The following WARS1 variants were observed in gnomAD, a reference collection of about 807,000 sequenced individuals.
The protein encoded by WARS1 is tryptophan--tRNA ligase, cytoplasmic.
WARS1 carries 17 observed loss-of-function variants against 47.8 expected under a neutral mutation model. The observed-to-expected ratio is 0.36, with a 90% CI of 0.24 to 0.53. The LOEUF (loss-of-function observed/expected upper bound fraction) is 0.53. Ranked by LOEUF, WARS1 falls within the 20% of genes least tolerant of loss-of-function variation. WARS1 has a pLI of 0.91. For synonymous variants in WARS1, 208 were observed against 228.1 expected, an observed-to-expected ratio of 0.91 and a Z score of 0.79; for missense variants, 434 against 608.0, an observed-to-expected ratio of 0.71 and a Z score of 3.01.
intron 6 of WARS1, among the ~76,000 whole-genome samples, chr14:100,350,328 A>G (rs898821076): frequency 2.7e-5 from 4 of 146,104 alleles, no homozygotes; most frequent in Non-Finnish European, 4.5e-5. Context: ...GGAGGCAGAT[A>G]TTGCAGTAAG....
intron 7 of WARS1, among the ~76,000 whole-genome samples, chr14:100,346,297 C>G (rs908333248): frequency 6.6e-6 from 1 of 152,178 alleles, no homozygotes; most frequent in African/African-American, 2.4e-5. Context: ...TCAAGCCCCT[C>G]ATCTTACATG....
At chr14:100,350,399 GAAAAA>G (rs56393656) in intron 6 of WARS1, among the ~76,000 whole-genome samples, 1 of 112,150 alleles carries the variant, frequency 8.9e-6, no homozygotes, top group African/African-American at 3.5e-5. Context: ...CTCAAAAAAA[GAAAAA>G]AAAAAAAAAA....
intron 6 of WARS1, among the ~76,000 whole-genome samples, chr14:100,347,603 G>A (rs1291021411): frequency 1.3e-5 from 2 of 151,956 alleles, no homozygotes; most frequent in Non-Finnish European, 2.9e-5. Context: ...TTGAGACAGA[G>A]TCTCACTCTG....
chr14:100,368,798 C>T (rs568145936), intron 2 of WARS1, among the ~76,000 whole-genome samples: 1 of 151,992 alleles, frequency 6.6e-6, no homozygotes, highest in South Asian at 2.1e-4. Context: ...CCCATCTCTA[C>T]TAAAAATACA....
At chr14:100,349,362 G>A (rs910383547) in intron 6 of WARS1, among the ~76,000 whole-genome samples, 1 of 152,168 alleles carries the variant, frequency 6.6e-6, no homozygotes, top group African/African-American at 2.4e-5. Context: ...CTGAGATAAT[G>A]GTTTTGCTCC....
intron 9 of WARS1, 32 bp from the exon 10 acceptor site, chr14:100,337,234 C>T: frequency 1.2e-6 from 2 of 1,603,774 alleles, no homozygotes; most frequent in Non-Finnish European, 1.7e-6. Flanking sequence ...ACACGCTCCT[C>T]AGTCCTGCTC....
intron 5 of WARS1, 95 bp from the exon 6 acceptor site, chr14:100,353,964 T>C: frequency 8.7e-7 from 1 of 1,150,268 alleles, no homozygotes; most frequent in South Asian, 1.5e-5. Flanking sequence ...TTACAACGTA[T>C]GTTAAAACTT....
At position 100,356,534 on chromosome 14, in the gene WARS1, C is replaced by T. The variant is rs188537152; in HGVS notation, c.423-1968G>A. Among the ~76,000 whole-genome samples the T allele has an allele frequency of 4.4e-3, 667 of 152,120 alleles. 2 individuals are homozygous for T. Among genetic ancestry groups the T allele is most frequent in the Non-Finnish European group, 7.5e-3 (508 of 67,986 alleles). ...TACTATGAATAACTGTATACCAATA[C>T]ATTAGATAACCTTGATGAAATAGAC... On this transcript the variant is annotated intron_variant, in intron 4 of 10. Transcript: ENST00000392882.
chr14:100,376,154 A>C, upstream of WARS1: 1 of 192,638 alleles, frequency 5.2e-6, no homozygotes, highest in Non-Finnish European at 1.0e-5. Context: ...GCCGGGCTCT[A>C]AGGATACTCC....
intron 8 of WARS1, 92 bp downstream of exon 8, chr14:100,343,183 C>A: frequency 8.9e-7 from 1 of 1,122,952 alleles, no homozygotes; most frequent in Non-Finnish European, 1.2e-6. Context: ...GGCTGCCCAT[C>A]ATATCTTTCA....
chr14:100,342,687 T>G, intron 8 of WARS1, 116 bp from the exon 9 acceptor site: 2 of 933,090 alleles, frequency 2.1e-6, no homozygotes, highest in Non-Finnish European at 3.1e-6. Context: ...ACCAAAGAAA[T>G]TCACTCCCTC....
intron 6 of WARS1, among the ~76,000 whole-genome samples, 184 bp downstream of exon 6, chr14:100,353,503 C>T (rs1595435816): frequency 6.6e-6 from 1 of 152,364 alleles, no homozygotes; most frequent in African/African-American, 2.4e-5. Flanking sequence ...CCACCTCGGC[C>T]TCCCAAAGTG....
chr14:100,344,192 C>G (rs192415434), intron 7 of WARS1, among the ~76,000 whole-genome samples: 1,909 of 152,050 alleles, frequency 0.013, 39 homozygotes, highest in African/African-American at 0.043. Context: ...GCCTCATTCT[C>G]CTGCCTCAGC....
intron 6 of WARS1, among the ~76,000 whole-genome samples, chr14:100,348,439 T>TG (rs1555379980): frequency 1.3e-5 from 2 of 152,032 alleles, no homozygotes; most frequent in South Asian, 2.1e-4. Context: ...TTTCAGGCCC[T>TG]GGGGGGCACT....
chr14:100,351,875 C>T (rs550775347), intron 6 of WARS1, among the ~76,000 whole-genome samples: 14 of 151,978 alleles, frequency 9.2e-5, no homozygotes, highest in African/African-American at 2.7e-4. Context: ...CACCTGTAGT[C>T]CCAGCTACTT....
intron 2 of WARS1, among the ~76,000 whole-genome samples, chr14:100,363,780 C>T (rs1012514031): frequency 2.6e-5 from 4 of 152,084 alleles, no homozygotes; most frequent in African/African-American, 9.7e-5. Flanking sequence ...GTGTGTGCCA[C>T]CATGTCTGGC....
chr14:100,357,464 A>AT (rs775785412), intron 4 of WARS1, among the ~76,000 whole-genome samples: 390 of 145,374 alleles, frequency 2.7e-3, no homozygotes, highest in Middle Eastern at 3.6e-3. Flanking sequence ...CATCAATTGT[A>AT]TTTTTTTTTT....
At chr14:100,347,551 TAGGGGTTTGGCAGAACCC>T (rs1774903275) in intron 6 of WARS1, among the ~76,000 whole-genome samples, 1 of 152,132 alleles carries the variant, frequency 6.6e-6, no homozygotes, top group African/African-American at 2.4e-5. Context: ...CAGTGGGGTG[TAGGGGTTTGGCAGAACCC>T]AGAGTGGCTT....
intron 3 of WARS1, 72 bp from the exon 4 acceptor site, chr14:100,360,734 T>C: frequency 2.6e-6 from 3 of 1,175,482 alleles, no homozygotes; most frequent in Non-Finnish European, 3.7e-6. Context: ...GAAATGAAGA[T>C]GAAAAGTGAG....
Sources: allele counts gnomAD v4.1 joint callset (sites outside exome capture counted in the v4.1 genomes callset), GRCh38; gene constraint gnomAD v4.1.1; transcripts MANE v1.5; gene names NCBI Gene and HGNC (gene_info 2026-07-23, HGNC 2026-07-21).